The following MSI2 variants were observed in gnomAD, a reference collection of about 807,000 sequenced individuals.
MSI2 encodes the protein RNA-binding protein Musashi homolog 2.
A neutral mutation model predicts 45.6 loss-of-function variants in MSI2; 17 were observed. The ratio of observed to expected loss-of-function variants is 0.37; its 90% CI spans 0.26 to 0.56. The LOEUF is 0.56. Among genes scored for constraint, MSI2 ranks in the 20% least tolerant of loss-of-function variants. The pLI is 0.77. For missense variants in MSI2, 293 were observed against 444.2 expected, an observed-to-expected ratio of 0.66 and a Z score of 3.06; for synonymous variants, 156 against 158.2, an observed-to-expected ratio of 0.99 and a Z score of 0.11.
intron 11 of MSI2, among the ~76,000 whole-genome samples, chr17:57,673,876 G>A (rs1913010977): frequency 6.6e-6 from 1 of 152,072 alleles, no homozygotes; most frequent in Non-Finnish European, 1.5e-5. Context: ...AGAGAAAGCA[G>A]GTGTTTTGGT....
chr17:57,480,657 G>A (rs1163352164), intron 6 of MSI2, among the ~76,000 whole-genome samples: 3 of 152,176 alleles, frequency 2.0e-5, no homozygotes, highest in African/African-American at 4.8e-5. Flanking sequence ...CAGAGACGAG[G>A]CACTATAAAT....
At chr17:57,646,857 A>AG (rs36092094) in intron 10 of MSI2, among the ~76,000 whole-genome samples, 105,175 of 151,962 alleles carry the variant, frequency 0.69, 37,185 homozygotes, top group African/African-American at 0.82. Flanking sequence ...GTTCCCAAAC[A>AG]GAGGAGCATA....
At chr17:57,393,281 T>C (rs2083828423) in intron 5 of MSI2, among the ~76,000 whole-genome samples, 1 of 152,192 alleles carries the variant, frequency 6.6e-6, no homozygotes, top group African/African-American at 2.4e-5. Flanking sequence ...TGCTGAACTA[T>C]TGAGTATAAT....
chr17:57,444,925 A>G (rs939405590), intron 6 of MSI2, among the ~76,000 whole-genome samples: 2 of 152,092 alleles, frequency 1.3e-5, no homozygotes, highest in African/African-American at 4.8e-5. Flanking sequence ...CCCTTTCAGC[A>G]CTCAAACAGG....
At chr17:57,312,217 A>G (rs1912459112) in intron 5 of MSI2, among the ~76,000 whole-genome samples, 1 of 152,240 alleles carries the variant, frequency 6.6e-6, no homozygotes, top group South Asian at 2.1e-4. Flanking sequence ...TTTCGAGAGA[A>G]CTACATTATT....
chr17:57,299,156 G>T (rs1911224635), intron 5 of MSI2, among the ~76,000 whole-genome samples: 1 of 152,220 alleles, frequency 6.6e-6, no homozygotes, highest in South Asian at 2.1e-4. Context: ...GTCTTGCCTT[G>T]GGTTAGGCTT....
chr17:57,295,811 G>A (rs947816108), intron 5 of MSI2, among the ~76,000 whole-genome samples: 3 of 152,232 alleles, frequency 2.0e-5, no homozygotes, highest in Non-Finnish European at 4.4e-5. Flanking sequence ...CATTTCCTCA[G>A]CGAAAAGAAG....
chr17:57,365,425 A>G (rs1917118853), intron 5 of MSI2, among the ~76,000 whole-genome samples: 1 of 152,220 alleles, frequency 6.6e-6, no homozygotes, highest in African/African-American at 2.4e-5. Context: ...TGGTGAAGGA[A>G]GACACTATTC....
chr17:57,334,120 G>A (rs759281742), intron 5 of MSI2, among the ~76,000 whole-genome samples: 2 of 152,196 alleles, frequency 1.3e-5, no homozygotes, highest in Non-Finnish European at 2.9e-5. Flanking sequence ...ACACACGGAT[G>A]CGTGGAGACT....
chr17:57,454,124 G>C (rs556311920), intron 6 of MSI2, among the ~76,000 whole-genome samples: 3 of 152,318 alleles, frequency 2.0e-5, no homozygotes, highest in African/African-American at 7.2e-5. Context: ...GGACTGGCTC[G>C]CTCCAGGAGC....
intron 5 of MSI2, among the ~76,000 whole-genome samples, chr17:57,270,080 C>G (rs1908217480): frequency 6.6e-6 from 1 of 152,006 alleles, no homozygotes; most frequent in South Asian, 2.1e-4. Context: ...GGAATGTTAG[C>G]CTTAGGGTGG....
intron 8 of MSI2, among the ~76,000 whole-genome samples, chr17:57,605,227 C>T (rs1906416278): frequency 6.6e-6 from 1 of 152,204 alleles, no homozygotes; most frequent in Non-Finnish European, 1.5e-5. Flanking sequence ...CACGCAAGCG[C>T]GTGCACATGC....
rs551484075 is a variant in MSI2, at chr17:57,357,384, G to A, written c.313-43995G>A. ...ACAACATTAGGAAGTGGGTGGTGTG[G>A]TGTAGAAGGGGCTGCTTAGAGCTTC... is the stretch of plus-strand genomic sequence containing the variant. On this transcript the variant is annotated intron_variant, in intron 5 of 13. Transcript: ENST00000284073. Among the ~76,000 whole-genome samples the A allele has an allele frequency of 2.2e-3, 330 of 152,256 alleles. 12 individuals are homozygous for A. In the South Asian group the frequency reaches 0.064, roughly 30 times the overall value.
At chr17:57,314,798 C>T (rs555718909) in intron 5 of MSI2, among the ~76,000 whole-genome samples, 10 of 152,182 alleles carry the variant, frequency 6.6e-5, no homozygotes, top group Admixed American at 5.9e-4. Context: ...TCTCGATCTC[C>T]TGACTTTGTG....
At chr17:57,355,327 G>A (rs1426086201) in intron 5 of MSI2, among the ~76,000 whole-genome samples, 2 of 152,198 alleles carry the variant, frequency 1.3e-5, no homozygotes, top group Non-Finnish European at 2.9e-5. Context: ...TCACTGTCAG[G>A]AAAGTTCCCT....
chr17:57,634,269 C>A (rs564880751), intron 10 of MSI2, among the ~76,000 whole-genome samples: 1 of 152,282 alleles, frequency 6.6e-6, no homozygotes, highest in East Asian at 1.9e-4. Context: ...AGTTCAAGAC[C>A]AGCCTAGCTA....
chr17:57,350,539 C>T (rs2083369587), intron 5 of MSI2, among the ~76,000 whole-genome samples: 1 of 152,108 alleles, frequency 6.6e-6, no homozygotes. Context: ...GTGTGTTCCT[C>T]CCTCCTCCCC....
chr17:57,576,521 C>T (rs549335283), intron 7 of MSI2, among the ~76,000 whole-genome samples: 33 of 152,106 alleles, frequency 2.2e-4, no homozygotes, highest in Non-Finnish European at 4.0e-4. Flanking sequence ...TTTGGGAGGC[C>T]GAGGCAGGTG....
chr17:57,295,992 C>CTTTTT lies in MSI2; in HGVS notation c.312+33830_312+33834dup, dbSNP rs386386327. Among the ~76,000 whole-genome samples, 66 of 38,638 alleles carry CTTTTT rather than the reference C, an allele frequency of 1.7e-3. 6 individuals carry two copies. The highest frequency in any genetic ancestry group is 4.4e-3 in the African/African-American group (65 of 14,786). The allele number at this position is 38,638 out of a possible 152,430, so 25.3% of individuals were successfully genotyped here. A position where few individuals can be genotyped will look rare whatever the true frequency, so the allele number is the denominator to read the frequency against. On this transcript the variant is annotated intron_variant, in intron 5 of 13. Coordinates refer to ENST00000284073, the MANE Select transcript of MSI2 (RefSeq NM_138962.4). ...TGAGTTACCAGTTCACGCAGCCTTC[C>CTTTTT]TTTTTTTTTTTTTTTTTTTTTTTTT...
Sources: gnomAD v4.1 joint callset for allele counts (sites outside exome capture counted in the v4.1 genomes callset) on GRCh38, gnomAD v4.1.1 for gene constraint, MANE v1.5 for transcripts, NCBI Gene and HGNC (gene_info 2026-07-23, HGNC 2026-07-21) for gene names.